Variants in EXTL3 observed in about 807,000 individuals in gnomAD.
The protein encoded by EXTL3 is exostosin like glycosyltransferase 3, also known as exostosin-like 3.
A neutral mutation model predicts 69.3 loss-of-function variants in EXTL3; 27 were observed. The ratio of observed to expected loss-of-function variants is 0.39; its 90% CI spans 0.29 to 0.54. The LOEUF is 0.54. Among genes scored for constraint, EXTL3 ranks in the 20% least tolerant of loss-of-function variants. The pLI is 0.69. For synonymous variants in EXTL3, 511 were observed against 499.4 expected (o/e 1.02, Z -0.31); for missense variants, 1,003 against 1,231.8 (o/e 0.81, Z 2.78).
chr8:28,626,998 C>T (rs548572414), intron 1 of EXTL3, among the ~76,000 whole-genome samples: 2 of 151,234 alleles, frequency 1.3e-5, no homozygotes, highest in South Asian at 2.1e-4. Flanking sequence ...CTGGCTAACA[C>T]GGTGAAACCC....
At chr8:28,697,921 A>C (rs1472805713), upstream of EXTL3, 6 of 152,178 alleles carry the variant, frequency 3.9e-5, no homozygotes, top group Non-Finnish European at 7.3e-5. Context: ...CAAAGTAGAG[A>C]TAATAAGTGC....
Position 28,676,292 on chromosome 8 carries a change from C to A in EXTL3, c.-52-37165C>A, listed in dbSNP as rs373776417. Among the ~76,000 whole-genome samples the A allele has an allele frequency of 2.8e-4, 42 of 152,302 alleles. 2 individuals carry two copies. The South Asian group carries it at 8.7e-3, about 32-fold the overall frequency. ...AATAAATATATGAGGGGTGCCCTGGCATCCTTGAAGAGCTCTGTGATTGCT... is the reference window on the plus strand; with the variant it reads ...AATAAATATATGAGGGGTGCCCTGGAATCCTTGAAGAGCTCTGTGATTGCT... On this transcript the variant is annotated intron_variant, in intron 1 of 6. Coordinates refer to the EXTL3 transcript ENST00000523149.
intron 5 of EXTL3, chr8:28,742,236 TTTAA>T (rs1801795704): frequency 6.6e-6 from 1 of 152,162 alleles, no homozygotes; most frequent in Non-Finnish European, 1.5e-5. Context: ...TTAATATAAT[TTTAA>T]TTTATTTAAT....
chr8:28,645,856 T>A (rs1177881465), intron 1 of EXTL3, among the ~76,000 whole-genome samples: 1 of 150,306 alleles, frequency 6.7e-6, no homozygotes, highest in Non-Finnish European at 1.5e-5. Flanking sequence ...AGTTATTCTC[T>A]TATTGATTGA....
upstream of EXTL3, among the ~76,000 whole-genome samples, chr8:28,618,697 G>C (rs568662432): frequency 6.6e-5 from 10 of 152,134 alleles, no homozygotes; most frequent in Non-Finnish European, 1.3e-4. Flanking sequence ...AGCAGTGAGA[G>C]AACCCCGCAG....
Position 28,694,209 on chromosome 8 carries a change from G to A in EXTL3, c.-52-19248G>A, listed in dbSNP as rs568584201. ...GGGGAAAAATAAGCAATCAGTGGGGGCCCCCAAGAGAGCATTTGCTGAAAT... is the reference window on the plus strand; with the variant it reads ...GGGGAAAAATAAGCAATCAGTGGGGACCCCCAAGAGAGCATTTGCTGAAAT... On this transcript the variant is annotated intron_variant, in intron 1 of 6. Coordinates refer to the EXTL3 transcript ENST00000523149. Among the ~76,000 whole-genome samples the A allele has an allele frequency of 7.2e-5, 11 of 152,270 alleles. 1 individual carries two copies. Among genetic ancestry groups the A allele is most frequent in the African/African-American group, 2.4e-4 (10 of 41,548 alleles).
At position 28,611,309 on chromosome 8, in the gene EXTL3, T is replaced by G. The variant is rs1023712542; in HGVS notation, n.314+3551T>G. Among the ~76,000 whole-genome samples the G allele has an allele frequency of 2.0e-5, 3 of 151,930 alleles. 1 individual carries two copies. The highest frequency in any genetic ancestry group is 3.9e-4 in the East Asian group (2 of 5,176). ...TTACAAAAAATAAATTTAATAAAAT[T>G]AGGTGGGGTTGTGCACGCCTGTAGT... On this transcript the variant is annotated intron_variant and non_coding_transcript_variant, in intron 2 of 4. Transcript: ENST00000522725.
chr8:28,629,266 A>T (rs2130558824), intron 1 of EXTL3, among the ~76,000 whole-genome samples: 1 of 151,974 alleles, frequency 6.6e-6, no homozygotes, highest in South Asian at 2.1e-4. Context: ...GCAGAAAACA[A>T]ACCGAGTTTT....
chr8:28,624,897 C>A (rs1181066709), intron 1 of EXTL3, among the ~76,000 whole-genome samples: 1 of 152,180 alleles, frequency 6.6e-6, no homozygotes, highest in African/African-American at 2.4e-5. Context: ...AATACAAATT[C>A]ATGGGCTAAC....
chr8:28,643,842 T>C (rs1227101936), intron 1 of EXTL3, among the ~76,000 whole-genome samples: 1 of 152,182 alleles, frequency 6.6e-6, no homozygotes, highest in Non-Finnish European at 1.5e-5. Flanking sequence ...CACAGCTCAC[T>C]GTAGGTTCAA....
chr8:28,652,888 T>C (rs1585232862), intron 1 of EXTL3, among the ~76,000 whole-genome samples: 1 of 152,258 alleles, frequency 6.6e-6, no homozygotes, highest in East Asian at 1.9e-4. Flanking sequence ...GTTTTTAAGT[T>C]AACAGCAAAA....
intron 1 of EXTL3, among the ~76,000 whole-genome samples, chr8:28,685,315 G>A (rs1189642054): frequency 6.6e-6 from 1 of 151,770 alleles, no homozygotes; most frequent in Admixed American, 6.6e-5. Context: ...ATCACACATC[G>A]CATTTAGCTC....
At chr8:28,632,144 C>T (rs998920010) in intron 1 of EXTL3, among the ~76,000 whole-genome samples, 11 of 151,030 alleles carry the variant, frequency 7.3e-5, no homozygotes, top group African/African-American at 1.7e-4. Context: ...TGGTGGCTCA[C>T]GCCTGTAATC....
At chr8:28,660,367 C>CAA (rs748941796) in intron 1 of EXTL3, among the ~76,000 whole-genome samples, 5 of 114,186 alleles carry the variant, frequency 4.4e-5, no homozygotes, top group South Asian at 2.7e-4. Flanking sequence ...ACCTTGTCTC[C>CAA]AAAAAAAAAA....
At chr8:28,734,632 A>G (rs1046058432) in intron 4 of EXTL3, among the ~76,000 whole-genome samples, 3 of 152,226 alleles carry the variant, frequency 2.0e-5, no homozygotes, top group African/African-American at 7.2e-5. Context: ...GAATTGCTTG[A>G]ACCCAGGAGG....
chr8:28,692,217 G>C (rs1196904603), intron 1 of EXTL3, among the ~76,000 whole-genome samples: 1 of 152,172 alleles, frequency 6.6e-6, no homozygotes, highest in African/African-American at 2.4e-5. Context: ...GATGGGCTTT[G>C]GATTGTTGGT....
At chr8:28,629,622 T>C (rs945194436) in intron 1 of EXTL3, among the ~76,000 whole-genome samples, 2 of 151,892 alleles carry the variant, frequency 1.3e-5, no homozygotes, top group African/African-American at 4.8e-5. Flanking sequence ...GGAGGGGAGA[T>C]GTTATGAGAT....
At position 28,718,926 on chromosome 8, in the gene EXTL3, C is replaced by G. The variant is rs17059329; in HGVS notation, c.2148+719C>G. On this transcript the variant is annotated intron_variant, in intron 3 of 6. Transcript: ENST00000220562. ...AAAAATAATAGCTAAATATGCAGGA[C>G]AGGGCTTTAGTTCTGAGGAGTTTAC... Among the ~76,000 whole-genome samples, 618 of 152,242 alleles carry G rather than the reference C, an allele frequency of 4.1e-3. 9 individuals carry two copies. Among genetic ancestry groups the G allele is most frequent in the African/African-American group, 0.014 (597 of 41,550 alleles).
chr8:28,616,696 TAA>T (rs1403174863), intron 2 of EXTL3, among the ~76,000 whole-genome samples: 1 of 151,948 alleles, frequency 6.6e-6, no homozygotes, highest in Non-Finnish European at 1.5e-5. Flanking sequence ...CCTGAATGCT[TAA>T]GAGTTTTCCT....
Sources: allele counts gnomAD v4.1 joint callset (sites outside exome capture counted in the v4.1 genomes callset), GRCh38; gene constraint gnomAD v4.1.1; transcripts MANE v1.5; gene names NCBI Gene and HGNC (gene_info 2026-07-23, HGNC 2026-07-21).